POT1: variants seen among roughly 807,000 people sequenced by gnomAD.
POT1 encodes protection of telomeres 1.
POT1 carries 47 observed loss-of-function variants against 78.5 expected under a neutral mutation model. That is an observed-to-expected ratio of 0.60 (90% CI 0.47 to 0.76). POT1 has a LOEUF of 0.76. Among genes scored for constraint, POT1 ranks in the 30% least tolerant of loss-of-function variants. The probability of loss-of-function intolerance (pLI) is 0.00; values close to 1 mark genes in which losing one functional copy is unlikely to be tolerated. For synonymous variants in POT1, 259 were observed against 260.7 expected, an observed-to-expected ratio of 0.99 and a Z score of 0.06; for missense variants, 646 against 749.9, an observed-to-expected ratio of 0.86 and a Z score of 1.62.
chr7:124,830,317 AT>A (rs978020851), intron 15 of POT1, among the ~76,000 whole-genome samples: 66 of 152,202 alleles, frequency 4.3e-4, no homozygotes, highest in African/African-American at 1.6e-3. Context: ...TGATAAGAAA[AT>A]ATACTTGAAA....
chr7:124,841,418 CA>C (rs751374216), intron 13 of POT1, among the ~76,000 whole-genome samples: 1 of 151,628 alleles, frequency 6.6e-6, no homozygotes, highest in Non-Finnish European at 1.5e-5. Flanking sequence ...CATTAACTAC[CA>C]GTGATTTCTA....
chr7:124,825,941 C>T (rs893180553), intron 17 of POT1, among the ~76,000 whole-genome samples: 5 of 152,038 alleles, frequency 3.3e-5, no homozygotes, highest in African/African-American at 7.2e-5. Context: ...TTAACTTTAC[C>T]CTAAGAGAGG....
At chr7:124,901,843 A>G (rs560414823) in intron 3 of POT1, among the ~76,000 whole-genome samples, 1 of 152,312 alleles carries the variant, frequency 6.6e-6, no homozygotes, top group South Asian at 2.1e-4. Flanking sequence ...GACCTGATGA[A>G]GTGGAAAACC....
chr7:124,843,744 C>T (rs1471236251), intron 12 of POT1, among the ~76,000 whole-genome samples: 1 of 152,198 alleles, frequency 6.6e-6, no homozygotes, highest in Non-Finnish European at 1.5e-5. Flanking sequence ...TAGCTTAACA[C>T]TTTCATGTGT....
chr7:124,851,939 A>C lies in POT1; in HGVS notation c.882T>G (p.Ser294=). ...DVDQLKKDLE[S]ANLTANQHSD... ...AATGCTGATTGGCTGTCAAATTTGC[A>C]GATTCTAAATCCCTATAATTGAAAG... The change falls in exon 11 of 19, where the codon TCT becomes TCG. Residue 294 remains serine (S), a synonymous_variant. Coordinates refer to ENST00000357628, the MANE Select transcript of POT1 (RefSeq NM_015450.3). The C allele has an allele frequency of 6.2e-7, 1 of 1,607,426 alleles. No homozygotes were observed.
Position 124,841,014 on chromosome 7 carries a change from C to T in POT1, c.1328G>A (p.Gly443Asp). Residue 443 changes from glycine to aspartate, a missense_variant, in exon 14 of 19, where the codon GGT (glycine) becomes GAT (aspartate). Coordinates refer to ENST00000357628, the MANE Select transcript of POT1 (RefSeq NM_015450.3). ...ACATTCATTTGAAAGCGGGAGAATA[C>T]CATTATTTTTCACAAAATGAACTGC... ...KVAVHFVKNN[G>D]ILPLSNECLL... is the part of the protein sequence containing the mutation. 6.2e-7 allele frequency: 1 copy of T among 1,611,370 alleles called. No individual in the cohort carries two copies. Among genetic ancestry groups the T allele is most frequent in the Non-Finnish European group, 8.5e-7 (1 of 1,178,150 alleles).
In POT1 at chr7:124,863,392, G is replaced by C; in HGVS notation, c.504C>G (p.Leu168=). The C allele has an allele frequency of 6.2e-7, 1 of 1,613,778 alleles. No homozygotes were observed. ...PMQYFDLTCQ[L]LGKAEVDGAS... ...CTCCGTCCACTTCTGCTTTGCCCAA[G>C]AGCTGACAAGTCAGGTCAAAATACT... The change falls in exon 8 of 19, where the codon CTC becomes CTG. Residue 168 remains leucine, a synonymous_variant. Transcript: ENST00000357628.
At chr7:124,825,648 A>G (rs1794612778) in intron 17 of POT1, among the ~76,000 whole-genome samples, 2 of 152,156 alleles carry the variant, frequency 1.3e-5, no homozygotes, top group South Asian at 4.1e-4. Flanking sequence ...CTCTTTGTGC[A>G]TAGAAAAAAA....
chr7:124,898,967 TA>T (rs1243847411), intron 3 of POT1, among the ~76,000 whole-genome samples: 1 of 152,204 alleles, frequency 6.6e-6, no homozygotes, highest in Non-Finnish European at 1.5e-5. Flanking sequence ...ACAGAAATAC[TA>T]AAAGAGTTTT....
chr7:124,901,242 C>T (rs1474638031), intron 3 of POT1, among the ~76,000 whole-genome samples: 3 of 152,200 alleles, frequency 2.0e-5, no homozygotes, highest in African/African-American at 7.2e-5. Flanking sequence ...CTGGGAGACA[C>T]CTTCCAGTAG....
At chr7:124,841,297 T>TAA (rs1795023244) in intron 13 of POT1, 119 bp from the exon 14 acceptor site, 1 of 705,926 alleles carries the variant, frequency 1.4e-6, no homozygotes, top group Non-Finnish European at 2.3e-6. Flanking sequence ...TCAGTTACTT[T>TAA]TTCTTAAATT....
At chr7:124,886,910 T>A (rs1054511908) in intron 6 of POT1, among the ~76,000 whole-genome samples, 1 of 152,118 alleles carries the variant, frequency 6.6e-6, no homozygotes, top group African/African-American at 2.4e-5. Context: ...AAGTTTTTTT[T>A]AAAATGATGT....
intron 7 of POT1, among the ~76,000 whole-genome samples, 198 bp downstream of exon 7, chr7:124,870,713 G>A (rs1321946189): frequency 1.3e-5 from 2 of 152,184 alleles, no homozygotes; most frequent in East Asian, 3.9e-4. Flanking sequence ...GGGAATGAAA[G>A]CAGTGGTTTG....
chr7:124,924,591 T>C lies in POT1; in HGVS notation c.-227+4224A>G, dbSNP rs77100168. On this transcript the variant is annotated intron_variant, in intron 2 of 18. Coordinates refer to ENST00000357628, the MANE Select transcript of POT1 (RefSeq NM_015450.3). ...CCACCTGAAACTATTCCAAAACTAC[T>C]GAGGAGGGAATTCTCCCTAACTCAT... 0.037 allele frequency among the ~76,000 whole-genome samples: 5,644 copies of C among 151,962 alleles called. 625 individuals are homozygous for C. In the East Asian group the frequency reaches 0.41, roughly 11 times the overall value.
chr7:124,868,031 C>A (rs984512543), intron 7 of POT1, among the ~76,000 whole-genome samples: 1 of 151,892 alleles, frequency 6.6e-6, no homozygotes, highest in African/African-American at 2.4e-5. Flanking sequence ...AAAACAGATG[C>A]CTATACAATA....
chr7:124,835,439 T>C (rs760834392), intron 14 of POT1, 25 bp from the exon 15 acceptor site: 15 of 1,605,070 alleles, frequency 9.3e-6, no homozygotes, highest in Non-Finnish European at 1.2e-5. Flanking sequence ...AATAAATCCT[T>C]CAAGTAGTGC....
intron 2 of POT1, among the ~76,000 whole-genome samples, chr7:124,918,098 C>T (rs1466463384): frequency 6.6e-6 from 1 of 152,216 alleles, no homozygotes; most frequent in African/African-American, 2.4e-5. Flanking sequence ...CATGAGCCAG[C>T]AGGGCATGGC....
intron 8 of POT1, among the ~76,000 whole-genome samples, chr7:124,859,331 A>G (rs1455860318): frequency 1.3e-5 from 2 of 152,204 alleles, no homozygotes; most frequent in Admixed American, 6.5e-5. Context: ...AAAGAGTCAC[A>G]CTGCCATAAG....
intron 6 of POT1, among the ~76,000 whole-genome samples, chr7:124,884,673 T>C (rs1796201889): frequency 6.6e-6 from 1 of 151,996 alleles, no homozygotes; most frequent in Non-Finnish European, 1.5e-5. Flanking sequence ...AAACAATGAA[T>C]ATTTTGCCTC....
Sources: allele counts gnomAD v4.1 joint callset (sites outside exome capture counted in the v4.1 genomes callset), GRCh38; gene constraint gnomAD v4.1.1; transcripts MANE v1.5; gene names NCBI Gene and HGNC (gene_info 2026-07-23, HGNC 2026-07-21).